Variants in RSPH4A observed in about 807,000 individuals in gnomAD.
The protein encoded by RSPH4A is radial spoke head component 4A, also known as radial spoke head protein 4 homolog A.
A neutral mutation model predicts 71.0 loss-of-function variants in RSPH4A; 47 were observed. That is an observed-to-expected ratio of 0.66 (90% CI 0.52 to 0.84). The LOEUF (loss-of-function observed/expected upper bound fraction) is 0.84. Ranked by LOEUF, RSPH4A falls within the 40% of genes least tolerant of loss-of-function variation. The pLI is 0.00. For synonymous variants in RSPH4A, 282 were observed against 302.3 expected (o/e 0.93, Z 0.70); for missense variants, 793 against 855.2 (o/e 0.93, Z 0.91).
At chr6:116,627,457 A>C (rs754691550) in intron 2 of RSPH4A, among the ~76,000 whole-genome samples, 172 bp from the exon 3 acceptor site, 4 of 152,102 alleles carry the variant, frequency 2.6e-5, no homozygotes, top group Non-Finnish European at 5.9e-5. Flanking sequence ...TAGCCTCCCA[A>C]AGTGCTTGGA....
chr6:116,617,593 T>C (rs372466779), intron 1 of RSPH4A, among the ~76,000 whole-genome samples: 5 of 151,614 alleles, frequency 3.3e-5, no homozygotes, highest in African/African-American at 1.2e-4. Flanking sequence ...AATTATGGAA[T>C]CTCGGGCTTG....
intron 1 of RSPH4A, among the ~76,000 whole-genome samples, chr6:116,619,234 G>C (rs1775560802): frequency 6.6e-6 from 1 of 152,056 alleles, no homozygotes; most frequent in African/African-American, 2.4e-5. Context: ...TAGACTGAGT[G>C]GGGAAGCCCA....
chr6:116,617,160 C>G lies in RSPH4A; in HGVS notation c.537C>G (p.Asp179Glu). The G allele has an allele frequency of 6.2e-7, 1 of 1,614,202 alleles. No homozygotes were observed. The highest frequency in any genetic ancestry group is 8.5e-7 in the Non-Finnish European group (1 of 1,180,038). Residue 179 changes from aspartate (D) to glutamate (E), a missense_variant, in exon 1 of 6, where the codon GAC becomes GAG. Asp to Glu is a conservative substitution (Grantham distance 45, BLOSUM62 2). Coordinates refer to ENST00000229554, the MANE Select transcript of RSPH4A (RefSeq NM_001010892.3). ...NNAKQKELRF[D>E]VFQEEDSNSD... ...CTAAACAGAAAGAGCTGAGATTTGA[C>G]GTTTTTCAGGAGGAAGACTCAAACA...
At chr6:116,624,678 A>G (rs773346389) in intron 2 of RSPH4A, among the ~76,000 whole-genome samples, 1 of 152,192 alleles carries the variant, frequency 6.6e-6, no homozygotes, top group African/African-American at 2.4e-5. Flanking sequence ...AATATGAGCT[A>G]TATGACCAAC....
chr6:116,630,663 TCGTG>T (rs1775783798), intron 5 of RSPH4A, 111 bp downstream of exon 5: 1 of 541,582 alleles, frequency 1.8e-6, no homozygotes, highest in Non-Finnish European at 3.3e-6. Flanking sequence ...GTTTTTTTTT[TCGTG>T]TTTTTTTTTT....
rs784133 is a variant in RSPH4A at position 116,629,670 on chromosome 6, T to C, written c.1766T>C (p.Leu589Pro). 0.62 allele frequency: 996,003 copies of C among 1,608,076 alleles called. 314,154 individuals are homozygous for C. Among genetic ancestry groups the C allele is most frequent in the African/African-American group, 0.93 (69,303 of 74,916 alleles). The change falls in exon 4 of 6, where the codon CTT becomes CCT. Residue 589 changes from leucine to proline, a missense_variant. Coordinates refer to ENST00000229554, the MANE Select transcript of RSPH4A (RefSeq NM_001010892.3). ...DSDYIEQEVG[L>P]PLLTPISEDL... is the part of the protein sequence containing the mutation. ...GACTACATAGAACAGGAAGTGGGGC[T>C]TCCTCTTTTGACACCAATCTCTGAA...
At chr6:116,629,723 T>C in intron 4 of RSPH4A, 21 bp downstream of exon 4, 1 of 1,591,838 alleles carries the variant, frequency 6.3e-7, no homozygotes. Flanking sequence ...GTAACTATTA[T>C]CACACACAGA....
chr6:116,617,418 T>C, intron 1 of RSPH4A, 109 bp downstream of exon 1: 2 of 781,242 alleles, frequency 2.6e-6, no homozygotes, highest in Non-Finnish European at 2.0e-6. Context: ...ATTTGAAAGA[T>C]TGTGTTAGTA....
chr6:116,628,191 C>A lies in RSPH4A; in HGVS notation c.1484C>A (p.Thr495Asn). ...CAAATTGCCCGAATTTCAGCAGGAA[C>A]CCACGTCAGTCCTCTAGGATTTTAT... ...RAQIARISAG[T>N]HVSPLGFYQF... is the part of the protein sequence containing the mutation. The change falls in exon 3 of 6, where the codon ACC becomes AAC. Residue 495 changes from threonine to asparagine, a missense_variant. Physicochemically the swap from Thr to Asn is moderately conservative, Grantham distance 65. Coordinates refer to ENST00000229554, the MANE Select transcript of RSPH4A (RefSeq NM_001010892.3). 1 of 1,614,080 alleles carries A rather than the reference C, an allele frequency of 6.2e-7. No individual in the cohort carries two copies. The highest frequency in any genetic ancestry group is 8.5e-7 in the Non-Finnish European group (1 of 1,180,022).
At position 116,628,384 on chromosome 6, in the gene RSPH4A, C is replaced by A; in HGVS notation, c.1662+15C>A. 6.3e-7 allele frequency: 1 copy of A among 1,584,124 alleles called. No homozygotes were observed. Among genetic ancestry groups the A allele is most frequent in the Non-Finnish European group, 8.7e-7 (1 of 1,153,554 alleles). On this transcript the variant is annotated intron_variant, in intron 3 of 5. Coordinates refer to ENST00000229554, the MANE Select transcript of RSPH4A (RefSeq NM_001010892.3). ...TTCTCTCTCAGGTAGGAGCTTTGCA[C>A]TTCTCAATCTATCAGGTAATTAGGC...
chr6:116,630,610 T>G, intron 5 of RSPH4A, 58 bp downstream of exon 5: 1 of 796,872 alleles, frequency 1.3e-6, no homozygotes, highest in Admixed American at 1.7e-5. Flanking sequence ...CTGGAAATTA[T>G]AAATAACCAC....
intron 1 of RSPH4A, among the ~76,000 whole-genome samples, chr6:116,618,116 G>A (rs969541641): frequency 6.6e-6 from 1 of 152,096 alleles, no homozygotes; most frequent in East Asian, 1.9e-4. Flanking sequence ...AGATTCCAGT[G>A]GCTAACAACA....
At chr6:116,623,928 T>C (rs983376716) in intron 2 of RSPH4A, among the ~76,000 whole-genome samples, 2 of 152,200 alleles carry the variant, frequency 1.3e-5, no homozygotes, top group African/African-American at 4.8e-5. Context: ...AATTAGAGAA[T>C]AAAATCTTAT....
chr6:116,618,117 G>A (rs1457777876), intron 1 of RSPH4A, among the ~76,000 whole-genome samples: 4 of 152,112 alleles, frequency 2.6e-5, no homozygotes, highest in African/African-American at 7.2e-5. Flanking sequence ...GATTCCAGTG[G>A]CTAACAACAC....
At position 116,622,885 on chromosome 6, in the gene RSPH4A, T is replaced by C; in HGVS notation, c.804T>C (p.Phe268=). ...DVKMAHFSKK[F]DALQNENELL... is the part of the protein sequence containing the mutation. ...AGATGGCACATTTTAGTAAAAAATT[T>C]GATGCACTACAAAATGAGAATGAGT... The change falls in exon 2 of 6, where the codon TTT becomes TTC. Residue 268 remains phenylalanine, a synonymous_variant. Coordinates refer to ENST00000229554, the MANE Select transcript of RSPH4A (RefSeq NM_001010892.3). 6.2e-7 allele frequency: 1 copy of C among 1,613,444 alleles called. No homozygotes were observed. The highest frequency in any genetic ancestry group is 2.2e-5 in the East Asian group (1 of 44,842).
chr6:116,629,765 A>T, intron 4 of RSPH4A, 63 bp downstream of exon 4: 3 of 1,425,004 alleles, frequency 2.1e-6, no homozygotes, highest in Non-Finnish European at 3.0e-6. Context: ...TGTGTGCATT[A>T]TATAGTAAAT....
At position 116,617,292 on chromosome 6, in the gene RSPH4A, C is replaced by A. The variant is rs1206156100; in HGVS notation, c.669C>A (p.Ser223Arg). ...NAKAYLLKTS[S>R]NSGFNLYDHL... is the part of the protein sequence containing the mutation. ...AGGCTTACCTGCTGAAGACTAGCAG[C>A]AATTCGGGCTTTAATCTGTAAGTCT... The change falls in exon 1 of 6, where the codon AGC becomes AGA. Residue 223 changes from serine to arginine, a missense_variant. By Grantham distance (110) the Ser-to-Arg change is moderately radical. Coordinates refer to ENST00000229554, the MANE Select transcript of RSPH4A (RefSeq NM_001010892.3). 1 of 1,611,734 alleles carries A rather than the reference C, an allele frequency of 6.2e-7. No individual in the cohort carries two copies. Among genetic ancestry groups the A allele is most frequent in the Non-Finnish European group, 8.5e-7 (1 of 1,178,982 alleles).
intron 1 of RSPH4A, 103 bp from the exon 2 acceptor site, chr6:116,622,665 T>C (rs886564689): frequency 2.6e-6 from 2 of 770,516 alleles, no homozygotes; most frequent in Non-Finnish European, 4.5e-6. Context: ...TCTTTTTCAT[T>C]TAACGTCTAT....
chr6:116,629,558 C>T lies in RSPH4A; in HGVS notation c.1663-9C>T. Reference sequence around the variant, plus strand: ...TTAGACTACTAAATCTTGCAACATTCATTCCCAGGGTCGCTGTAATTGGTT... The same window carrying T: ...TTAGACTACTAAATCTTGCAACATTTATTCCCAGGGTCGCTGTAATTGGTT... On this transcript the variant is annotated splice_polypyrimidine_tract_variant and intron_variant, in intron 3 of 5. Transcript: ENST00000229554. The T allele has an allele frequency of 6.2e-7, 1 of 1,612,248 alleles. No homozygotes were observed. Among genetic ancestry groups the T allele is most frequent in the Non-Finnish European group, 8.5e-7 (1 of 1,178,564 alleles).
Sources: gnomAD v4.1 joint callset for allele counts (sites outside exome capture counted in the v4.1 genomes callset) on GRCh38, gnomAD v4.1.1 for gene constraint, MANE v1.5 for transcripts, NCBI Gene and HGNC (gene_info 2026-07-23, HGNC 2026-07-21) for gene names.